The following WWTR1 variants were observed in gnomAD, a reference collection of about 807,000 sequenced individuals.
WWTR1 encodes WW domain-containing transcription regulator protein 1.
Under a neutral mutation model 40.1 loss-of-function variants are expected in WWTR1, and 13 were observed. The ratio of observed to expected loss-of-function variants is 0.32; its 90% confidence interval spans 0.21 to 0.52. The LOEUF is 0.52. Ranked by LOEUF, WWTR1 falls within the 20% of genes least tolerant of loss-of-function variation. WWTR1 has a pLI of 0.97. For synonymous variants in WWTR1, 230 were observed against 210.1 expected (o/e 1.09, Z -0.82); for missense variants, 436 against 523.1 (o/e 0.83, Z 1.63).
At chr3:149,629,115 G>T (rs1417365730) in intron 2 of WWTR1, among the ~76,000 whole-genome samples, 3 of 152,168 alleles carry the variant, frequency 2.0e-5, no homozygotes, top group Non-Finnish European at 4.4e-5. Context: ...TGAAGGAAAG[G>T]TTCAGAGAAA....
At chr3:149,597,344 C>A (rs2108042691) in intron 2 of WWTR1, among the ~76,000 whole-genome samples, 1 of 150,922 alleles carries the variant, frequency 6.6e-6, no homozygotes, top group African/African-American at 2.4e-5. Context: ...AGCCTGTAAT[C>A]CCAGCACTTT....
Position 149,572,864 on chromosome 3 carries a change from C to G in WWTR1, c.568G>C (p.Val190Leu). Residue 190 changes from valine (V) to leucine (L), a missense_variant and splice_region_variant, in exon 3 of 7, where the codon GTG (valine) becomes CTG (leucine). Val to Leu is a conservative substitution (Grantham distance 32). Transcript: ENST00000360632. The stretch of plus-strand genomic sequence containing the variant: ...AATTTTAAAAAAGCTTGAGGCTTAC[C>G]GAGATTTGGCTGGGATACTGCCATG... ...RSMAVSQPNL[V>L]MNHQHQQQMA... 6.2e-7 allele frequency: 1 copy of G among 1,613,432 alleles called. No individual in the cohort carries two copies. The highest frequency in any genetic ancestry group is 8.5e-7 in the Non-Finnish European group (1 of 1,179,886).
intron 3 of WWTR1, among the ~76,000 whole-genome samples, chr3:149,544,735 G>C (rs1736290497): frequency 6.6e-6 from 1 of 152,170 alleles, no homozygotes; most frequent in African/African-American, 2.4e-5. Flanking sequence ...TGAAGCCTCA[G>C]AGCAACCCTG....
intron 2 of WWTR1, among the ~76,000 whole-genome samples, chr3:149,653,467 G>A (rs1039211402): frequency 6.6e-6 from 1 of 152,300 alleles, no homozygotes; most frequent in African/African-American, 2.4e-5. Flanking sequence ...GAGATGGGGT[G>A]GGGGTGGTAG....
upstream of WWTR1, chr3:149,661,451 T>A (rs1713572158): frequency 6.6e-6 from 1 of 152,162 alleles, no homozygotes; most frequent in African/African-American, 2.4e-5. Context: ...AGACAGGGTT[T>A]CACTTTGTTG....
chr3:149,631,196 TG>T (rs1429469783), intron 2 of WWTR1, among the ~76,000 whole-genome samples: 1 of 152,212 alleles, frequency 6.6e-6, no homozygotes, highest in Admixed American at 6.5e-5. Context: ...ACCAATATCA[TG>T]GGGGCAGAAG....
chr3:149,568,536 A>C (rs868388061), intron 3 of WWTR1, among the ~76,000 whole-genome samples: 23 of 135,398 alleles, frequency 1.7e-4, no homozygotes, highest in African/African-American at 5.3e-4. Context: ...AAAAAAAAAA[A>C]AAAAAAAAAA....
intron 1 of WWTR1, among the ~76,000 whole-genome samples, chr3:149,682,864 G>A (rs185953289): frequency 2.0e-4 from 31 of 152,236 alleles, no homozygotes; most frequent in Middle Eastern, 3.4e-3. Flanking sequence ...TGCAGAAACC[G>A]CCATGGAAAG....
At chr3:149,638,307 C>T (rs1030271663) in intron 2 of WWTR1, among the ~76,000 whole-genome samples, 2 of 151,984 alleles carry the variant, frequency 1.3e-5, no homozygotes, top group African/African-American at 2.4e-5. Flanking sequence ...TAATCGTTTA[C>T]GGAGCTTCCT....
chr3:149,683,016 T>A (rs1714509887), intron 1 of WWTR1, among the ~76,000 whole-genome samples: 1 of 152,158 alleles, frequency 6.6e-6, no homozygotes, highest in African/African-American at 2.4e-5. Context: ...GGGAAAGGAA[T>A]TCCCAGGTGC....
chr3:149,629,761 T>A (rs1391964980), intron 2 of WWTR1, among the ~76,000 whole-genome samples: 1 of 152,200 alleles, frequency 6.6e-6, no homozygotes, highest in African/African-American at 2.4e-5. Flanking sequence ...TCCTTTCATA[T>A]CAGCCAACCC....
At chr3:149,714,008 G>GC (rs1223192913) in intron 5 of WWTR1, among the ~76,000 whole-genome samples, 3 of 152,216 alleles carry the variant, frequency 2.0e-5, no homozygotes, top group Non-Finnish European at 2.9e-5. Flanking sequence ...TGCCCTGGGA[G>GC]CCCCCCAGAT....
In WWTR1 at chr3:149,522,596, A is replaced by C. The variant is rs147012656; in HGVS notation, c.1019-1607T>G. Among the ~76,000 whole-genome samples the C allele has an allele frequency of 4.9e-3, 742 of 152,346 alleles. 11 individuals are homozygous for C. The highest frequency in any genetic ancestry group is 0.017 in the African/African-American group (702 of 41,596). On this transcript the variant is annotated intron_variant, in intron 6 of 6. Transcript: ENST00000360632. ...TAACAGATAAAAATGAGGCTTTAAAAAGTGTCTAAAAAACAATCTGATCTA... is the reference window on the plus strand; with the variant it reads ...TAACAGATAAAAATGAGGCTTTAAACAGTGTCTAAAAAACAATCTGATCTA...
chr3:149,713,079 A>G (rs1011443134), intron 5 of WWTR1, among the ~76,000 whole-genome samples: 1 of 152,194 alleles, frequency 6.6e-6, no homozygotes, highest in African/African-American at 2.4e-5. Context: ...CCTGGTTAGC[A>G]GGGAATGTAG....
chr3:149,567,226 T>C (rs1443160233), intron 3 of WWTR1, among the ~76,000 whole-genome samples: 7 of 152,114 alleles, frequency 4.6e-5, no homozygotes, highest in African/African-American at 1.7e-4. Context: ...AGCATGACAC[T>C]TTCTTTTGGT....
chr3:149,688,273 C>A (rs1714715595), intron 1 of WWTR1, among the ~76,000 whole-genome samples: 1 of 151,990 alleles, frequency 6.6e-6, no homozygotes, highest in East Asian at 1.9e-4. Context: ...AGCCCTTAGG[C>A]CTTGAGTAAA....
chr3:149,669,444 C>A (rs1196473815), intron 2 of WWTR1, among the ~76,000 whole-genome samples: 1 of 152,336 alleles, frequency 6.6e-6, no homozygotes, highest in Middle Eastern at 3.4e-3. Context: ...AATTTCCATT[C>A]TTCTAGAAAT....
At chr3:149,709,091 C>A (rs561055544) in intron 5 of WWTR1, among the ~76,000 whole-genome samples, 1 of 152,226 alleles carries the variant, frequency 6.6e-6, no homozygotes, top group East Asian at 1.9e-4. Context: ...TCCTCCCACC[C>A]CAGCCTCCTG....
At chr3:149,563,325 G>A (rs1482273282) in intron 3 of WWTR1, among the ~76,000 whole-genome samples, 4 of 152,150 alleles carry the variant, frequency 2.6e-5, no homozygotes, top group African/African-American at 7.2e-5. Context: ...ATTCGTCACG[G>A]TTTAGGCTTA....
Sources: allele counts gnomAD v4.1 joint callset (sites outside exome capture counted in the v4.1 genomes callset), GRCh38; gene constraint gnomAD v4.1.1; transcripts MANE v1.5; gene names NCBI Gene and HGNC (gene_info 2026-07-23, HGNC 2026-07-21).